Variants in RYR3 observed in about 807,000 individuals in gnomAD.
RYR3 encodes the protein ryanodine receptor 3, also known as brain ryanodine receptor-calcium release channel.
A neutral mutation model predicts 584.3 loss-of-function variants in RYR3; 207 were observed. The ratio of observed to expected loss-of-function variants is 0.35; its 90% confidence interval spans 0.32 to 0.40. RYR3 has a LOEUF of 0.40. Among genes scored for constraint, RYR3 ranks in the 10% least tolerant of loss-of-function variants. The probability of loss-of-function intolerance (pLI) is 1.00; values close to 1 mark genes in which losing one functional copy is unlikely to be tolerated. For synonymous variants in RYR3, 2,416 were observed against 2,248.5 expected (o/e 1.07, Z -2.11); for missense variants, 5,616 against 6,089.2 (o/e 0.92, Z 2.59).
At chr15:33,565,249 A>T (rs997174988) in intron 11 of RYR3, among the ~76,000 whole-genome samples, 1 of 152,210 alleles carries the variant, frequency 6.6e-6, no homozygotes, top group Non-Finnish European at 1.5e-5. Context: ...GAAATCTGGG[A>T]CCCAGGCCAA....
chr15:33,686,198 G>T (rs779124010), intron 38 of RYR3, among the ~76,000 whole-genome samples: 16 of 152,110 alleles, frequency 1.1e-4, no homozygotes, highest in Non-Finnish European at 1.9e-4. Flanking sequence ...AATAAGAAAA[G>T]AGAGAAGAAT....
intron 1 of RYR3, among the ~76,000 whole-genome samples, chr15:33,471,594 T>TAA (rs3084420): frequency 0.04 from 5,749 of 142,050 alleles, 122 homozygotes; most frequent in African/African-American, 0.044. Context: ...CATGCCTTTG[T>TAA]AAAAAAAAAA....
At chr15:33,431,897 C>G (rs2045187842) in intron 1 of RYR3, among the ~76,000 whole-genome samples, 1 of 152,150 alleles carries the variant, frequency 6.6e-6, no homozygotes, top group Admixed American at 6.5e-5. Context: ...TACGGTGAGA[C>G]TGGGTAGTTT....
At chr15:33,324,987 A>G (rs1397422723) in intron 1 of RYR3, among the ~76,000 whole-genome samples, 1 of 152,218 alleles carries the variant, frequency 6.6e-6, no homozygotes, top group Non-Finnish European at 1.5e-5. Context: ...TCTCAGGACT[A>G]AACACACATA....
rs1374240723 is a variant in RYR3, at chr15:33,859,737, A to T, written c.14299+6A>T. The T allele has an allele frequency of 1.2e-6, 2 of 1,602,994 alleles. No homozygotes were observed. The highest frequency in any genetic ancestry group is 1.7e-6 in the Non-Finnish European group (2 of 1,173,882). ...CTTGCTGGCCATCATTCAAGGTATG[A>T]TTGCCAATTGTGTTGAGTATGAACA... is the stretch of plus-strand genomic sequence containing the variant. On this transcript the variant is annotated splice_donor_region_variant and intron_variant, in intron 100 of 103. Coordinates refer to ENST00000634891, the MANE Select transcript of RYR3 (RefSeq NM_001036.6).
chr15:33,810,781 G>A (rs2076485937), intron 71 of RYR3, 132 bp downstream of exon 71: 1 of 1,170,226 alleles, frequency 8.5e-7, no homozygotes, highest in Non-Finnish European at 1.2e-6. Context: ...GTGTATGGAG[G>A]CAACACGCCC....
intron 23 of RYR3, among the ~76,000 whole-genome samples, chr15:33,632,270 C>T (rs1441363500): frequency 6.6e-6 from 1 of 152,222 alleles, no homozygotes; most frequent in African/African-American, 2.4e-5. Context: ...CTCATATTCC[C>T]ACATGGCCAT....
intron 1 of RYR3, among the ~76,000 whole-genome samples, chr15:33,421,544 C>T (rs2044243584): frequency 6.6e-6 from 1 of 151,990 alleles, no homozygotes. Flanking sequence ...GTTTCTGGTT[C>T]CCAAACAAAG....
intron 5 of RYR3, among the ~76,000 whole-genome samples, chr15:33,537,768 C>G (rs1364415600): frequency 1.3e-5 from 2 of 152,194 alleles, no homozygotes; most frequent in Non-Finnish European, 2.9e-5. Flanking sequence ...TTTCTAATCT[C>G]TACTGTGTTA....
intron 38 of RYR3, among the ~76,000 whole-genome samples, chr15:33,682,577 C>T (rs1389817783): frequency 1.3e-5 from 2 of 152,098 alleles, no homozygotes; most frequent in Non-Finnish European, 1.5e-5. Flanking sequence ...TAAATGAAGC[C>T]ATTTATAATT....
At chr15:33,373,684 T>C (rs573489779) in intron 1 of RYR3, among the ~76,000 whole-genome samples, 2 of 152,340 alleles carry the variant, frequency 1.3e-5, no homozygotes, top group East Asian at 3.9e-4. Flanking sequence ...TATGTTCTGA[T>C]GTGTTTTAAA....
chr15:33,558,401 T>C (rs1283442596), intron 10 of RYR3, among the ~76,000 whole-genome samples: 2 of 151,126 alleles, frequency 1.3e-5, no homozygotes, highest in Non-Finnish European at 2.9e-5. Flanking sequence ...TCCAGCTTCA[T>C]CCATGTCCCT....
intron 15 of RYR3, among the ~76,000 whole-genome samples, chr15:33,585,151 A>G (rs1347979197): frequency 6.6e-6 from 1 of 152,070 alleles, no homozygotes; most frequent in Non-Finnish European, 1.5e-5. Flanking sequence ...CAGTGTAGAA[A>G]TGACAGGTGC....
chr15:33,820,537 T>C (rs1443842671), intron 77 of RYR3, among the ~76,000 whole-genome samples: 1 of 152,222 alleles, frequency 6.6e-6, no homozygotes, highest in African/African-American at 2.4e-5. Flanking sequence ...CTCTGTGTTC[T>C]CATTTCTCAT....
chr15:33,360,003 T>C (rs1448394239), intron 1 of RYR3, among the ~76,000 whole-genome samples: 1 of 152,202 alleles, frequency 6.6e-6, no homozygotes, highest in African/African-American at 2.4e-5. Context: ...TTTATCATTA[T>C]GAATTGAATC....
At chr15:33,337,753 C>T (rs529544113) in intron 1 of RYR3, among the ~76,000 whole-genome samples, 1 of 152,218 alleles carries the variant, frequency 6.6e-6, no homozygotes, top group South Asian at 2.1e-4. Context: ...CCCAGCAATT[C>T]CTCCCAGTGG....
chr15:33,663,818 G>A, intron 36 of RYR3, 81 bp downstream of exon 36: 1 of 1,211,084 alleles, frequency 8.3e-7, no homozygotes. Flanking sequence ...AAACCTCTAT[G>A]GTCTCTGGGG....
At chr15:33,437,466 G>C (rs568518548) in intron 1 of RYR3, among the ~76,000 whole-genome samples, 109 of 152,324 alleles carry the variant, frequency 7.2e-4, no homozygotes, top group Admixed American at 2.7e-3. Context: ...TTTTCAGGAA[G>C]GGAAAATCTT....
At chr15:33,622,379 T>G (rs944009486) in intron 19 of RYR3, among the ~76,000 whole-genome samples, 1 of 152,188 alleles carries the variant, frequency 6.6e-6, no homozygotes, top group Non-Finnish European at 1.5e-5. Flanking sequence ...GATCTTGAGC[T>G]CACTGATTTC....
Sources: allele counts gnomAD v4.1 joint callset (sites outside exome capture counted in the v4.1 genomes callset), GRCh38; gene constraint gnomAD v4.1.1; transcripts MANE v1.5; gene names NCBI Gene and HGNC (gene_info 2026-07-23, HGNC 2026-07-21).